The following PCSK5 variants were observed in gnomAD, a reference collection of about 807,000 sequenced individuals.
The protein encoded by PCSK5 is prohormone convertase 5.
PCSK5 carries 129 observed loss-of-function variants against 233.2 expected under a neutral mutation model. That is an observed-to-expected ratio of 0.55 (90% CI 0.48 to 0.64). PCSK5 has a LOEUF of 0.64. Among genes scored for constraint, PCSK5 ranks in the 30% least tolerant of loss-of-function variants. The pLI is 0.00. For missense variants in PCSK5, 2,076 were observed against 2,430.1 expected, an observed-to-expected ratio of 0.85 and a Z score of 3.06; for synonymous variants, 825 against 879.2, an observed-to-expected ratio of 0.94 and a Z score of 1.09.
rs765770437 is a variant in PCSK5 at position 76,350,892 on chromosome 9, C to G, written c.5031C>G (p.Thr1677=). 1 of 1,607,456 alleles carries G rather than the reference C, an allele frequency of 6.2e-7. No individual in the cohort carries two copies. The highest frequency in any genetic ancestry group is 8.5e-7 in the Non-Finnish European group (1 of 1,175,724). Residue 1677 remains threonine (T), a synonymous_variant, in exon 36 of 38, where the codon ACC becomes ACG. Coordinates refer to ENST00000674117, the MANE Select transcript of PCSK5 (RefSeq NM_001372043.1). ...ACCACCTCATGGGAGGGATCTGCAC[C>G]TCGGACTGTCTTGTGGGGGAATACA... ...WSYHLMGGIC[T]SDCLVGEYRV... is the part of the protein sequence containing the mutation.
chr9:75,943,998 A>G (rs1273725752), intron 2 of PCSK5, among the ~76,000 whole-genome samples: 2 of 152,006 alleles, frequency 1.3e-5, no homozygotes, highest in African/African-American at 2.4e-5. Context: ...CCCCGTCTCA[A>G]CAAAAAATAA....
chr9:76,331,239 C>T (rs1171239604), intron 33 of PCSK5, among the ~76,000 whole-genome samples: 1 of 152,132 alleles, frequency 6.6e-6, no homozygotes, highest in Non-Finnish European at 1.5e-5. Context: ...ATCCTGATCC[C>T]CAGATCCTGT....
chr9:76,265,272 G>A (rs1827299774), intron 24 of PCSK5, among the ~76,000 whole-genome samples: 1 of 152,000 alleles, frequency 6.6e-6, no homozygotes, highest in South Asian at 2.1e-4. Context: ...AAGGGAGGGA[G>A]GGGGAGGCGG....
chr9:76,083,275 C>CATTT (rs1587604117), intron 7 of PCSK5, among the ~76,000 whole-genome samples: 1 of 149,858 alleles, frequency 6.7e-6, no homozygotes, highest in African/African-American at 2.5e-5. Context: ...ACTGGTTTGG[C>CATTT]ATTTATCTTA....
intron 4 of PCSK5, among the ~76,000 whole-genome samples, chr9:76,025,888 GA>G (rs957262586): frequency 7.9e-5 from 12 of 151,794 alleles, no homozygotes; most frequent in Non-Finnish European, 1.8e-4. Context: ...ACCAAATTAT[GA>G]AAAATAGCTC....
intron 5 of PCSK5, among the ~76,000 whole-genome samples, chr9:76,054,384 G>T (rs139332015): frequency 6.6e-6 from 1 of 152,268 alleles, no homozygotes; most frequent in East Asian, 1.9e-4. Context: ...ACATGGACCA[G>T]CATAATTTTT....
chr9:76,282,335 T>C (rs1271981096), intron 24 of PCSK5, among the ~76,000 whole-genome samples: 1 of 141,078 alleles, frequency 7.1e-6, no homozygotes, highest in African/African-American at 2.6e-5. Flanking sequence ...TTTCTTTCTT[T>C]CTTCCTTTTC....
At chr9:76,221,725 T>C (rs1259144852) in intron 20 of PCSK5, among the ~76,000 whole-genome samples, 2 of 152,216 alleles carry the variant, frequency 1.3e-5, no homozygotes, top group Non-Finnish European at 2.9e-5. Context: ...TTCTGCCCTT[T>C]GAACAACGTG....
intron 13 of PCSK5, among the ~76,000 whole-genome samples, chr9:76,172,896 C>T (rs1023173943): frequency 3.3e-5 from 5 of 152,166 alleles, no homozygotes; most frequent in East Asian, 1.9e-4. Flanking sequence ...GCAAACCATA[C>T]ATAAACCGAT....
chr9:75,914,316 G>C (rs546741622), intron 1 of PCSK5, among the ~76,000 whole-genome samples: 1 of 152,204 alleles, frequency 6.6e-6, no homozygotes, highest in South Asian at 2.1e-4. Flanking sequence ...ACTGCCTTTT[G>C]CCCCCACAGC....
intron 24 of PCSK5, among the ~76,000 whole-genome samples, chr9:76,245,413 G>A (rs1826559635): frequency 6.6e-6 from 1 of 152,022 alleles, no homozygotes; most frequent in South Asian, 2.1e-4. Flanking sequence ...TGCACCAAAA[G>A]GATTTTTTAA....
intron 23 of PCSK5, among the ~76,000 whole-genome samples, chr9:76,239,872 C>G (rs1826377528): frequency 6.6e-6 from 1 of 152,108 alleles, no homozygotes; most frequent in African/African-American, 2.4e-5. Flanking sequence ...CAAAACTCAT[C>G]TAATTTGCCC....
chr9:75,994,259 TA>T (rs1182265525), intron 3 of PCSK5, among the ~76,000 whole-genome samples: 2 of 152,098 alleles, frequency 1.3e-5, no homozygotes, highest in African/African-American at 4.8e-5. Flanking sequence ...AAGTCAAAGC[TA>T]CTTTACCTCT....
At chr9:75,982,910 A>G (rs1050403334) in intron 2 of PCSK5, among the ~76,000 whole-genome samples, 1 of 152,126 alleles carries the variant, frequency 6.6e-6, no homozygotes, top group African/African-American at 2.4e-5. Context: ...GTACCTTTAC[A>G]TTTAAATATC....
In PCSK5 at chr9:76,358,721, C is replaced by A. The variant is rs1830366006; in HGVS notation, c.5463C>A (p.Ser1821Arg). The A allele has an allele frequency of 1.9e-6, 3 of 1,612,844 alleles. No homozygotes were observed. The highest frequency in any genetic ancestry group is 1.7e-6 in the Non-Finnish European group (2 of 1,179,866). ...ACAAGTCTTACTCCTCCTATAAGAG[C>A]AGCTATAGAGAGAGCACCAGCTTTG... ...DPNKSYSSYK[S>R]SYRESTSFEE... The change falls in exon 38 of 38, where the codon AGC becomes AGA. Residue 1821 changes from serine (S) to arginine (R), a missense_variant. Coordinates refer to ENST00000674117, the MANE Select transcript of PCSK5 (RefSeq NM_001372043.1).
At chr9:75,899,141 G>T (rs1164516813) in intron 1 of PCSK5, among the ~76,000 whole-genome samples, 2 of 152,158 alleles carry the variant, frequency 1.3e-5, no homozygotes, top group Non-Finnish European at 2.9e-5. Context: ...GAGGAGGAGG[G>T]AGAATGTGAA....
intron 24 of PCSK5, among the ~76,000 whole-genome samples, chr9:76,271,296 C>G (rs1490964326): frequency 6.6e-6 from 1 of 152,200 alleles, no homozygotes; most frequent in African/African-American, 2.4e-5. Flanking sequence ...GAACTGCGAA[C>G]TTCCTAACCA....
chr9:76,250,641 ACAAGT>A (rs1268567711), intron 24 of PCSK5, among the ~76,000 whole-genome samples: 1 of 152,226 alleles, frequency 6.6e-6, no homozygotes, highest in African/African-American at 2.4e-5. Flanking sequence ...AGTTCATTAA[ACAAGT>A]CAAGTCTGAG....
intron 13 of PCSK5, among the ~76,000 whole-genome samples, chr9:76,172,704 G>A: frequency 6.6e-6 from 1 of 152,202 alleles, no homozygotes; most frequent in East Asian, 1.9e-4. Context: ...GATGCCATAA[G>A]GAAAATGCGT....
Sources: gnomAD v4.1 joint callset for allele counts (sites outside exome capture counted in the v4.1 genomes callset) on GRCh38, gnomAD v4.1.1 for gene constraint, MANE v1.5 for transcripts, NCBI Gene and HGNC (gene_info 2026-07-23, HGNC 2026-07-21) for gene names.